The following WDR54 variants were observed in gnomAD, a reference collection of about 807,000 sequenced individuals.
The protein encoded by WDR54 is WD repeat-containing protein 54.
WDR54 carries 44 observed loss-of-function variants against 44.1 expected under a neutral mutation model. The observed-to-expected ratio is 1.00, with a 90% CI of 0.78 to 1.28. The LOEUF (loss-of-function observed/expected upper bound fraction) is 1.28. Among genes scored for constraint, WDR54 ranks in the 50% most tolerant of loss-of-function variants. The probability of loss-of-function intolerance (pLI) is 0.00; values close to 1 mark genes in which losing one functional copy is unlikely to be tolerated. For missense variants in WDR54, 409 were observed against 429.7 expected, an observed-to-expected ratio of 0.95 and a Z score of 0.43; for synonymous variants, 169 against 169.8, an observed-to-expected ratio of 1.00 and a Z score of 0.04.
rs1402343060 is a variant in WDR54 at position 74,422,223 on chromosome 2, C to T, written c.70C>T (p.Leu24=). Residue 24 remains leucine, a synonymous_variant, in exon 2 of 10, where the codon CTG becomes TTG. Coordinates refer to ENST00000348227, the MANE Select transcript of WDR54 (RefSeq NM_032118.4). ...CGCCCTGTGCAACAACCTCAGTGTG[C>T]TGCAGCTGCCGGCTCGCAACCTCAC... ...AAALCNNLSV[L]QLPARNLTYF... is the part of the protein sequence containing the mutation. 6.2e-7 allele frequency: 1 copy of T among 1,614,196 alleles called. No homozygotes were observed. The highest frequency in any genetic ancestry group is 1.7e-5 in the Admixed American group (1 of 60,032).
chr2:74,421,872 CT>C, intron 1 of WDR54, 56 bp downstream of exon 1: 1 of 629,070 alleles, frequency 1.6e-6, no homozygotes, highest in Non-Finnish European at 2.9e-6. Context: ...GGGAGAAAGC[CT>C]TGGGGGCTTC....
Position 74,424,901 on chromosome 2 carries a change from A to C in WDR54, c.561A>C (p.Ala187=), listed in dbSNP as rs527734876. ...ATTGTGTGGCTGACATGGTGACGGC[A>C]GATGACTCAGGCTTGCTGTGTGTCT... ...GQDCVADMVT[A]DDSGLLCVWR... is the part of the protein sequence containing the mutation. Residue 187 remains alanine (A), a synonymous_variant, in exon 7 of 10, where the codon GCA becomes GCC. Coordinates refer to ENST00000348227, the MANE Select transcript of WDR54 (RefSeq NM_032118.4). 3 of 1,614,236 alleles carry C rather than the reference A, an allele frequency of 1.9e-6. No individual in the cohort carries two copies. The highest frequency in any genetic ancestry group is 2.7e-5 in the African/African-American group (2 of 75,062).
chr2:74,422,274 A>T lies in WDR54; in HGVS notation c.121A>T (p.Ser41Cys). Residue 41 changes from serine (S) to cysteine (C), a missense_variant, in exon 2 of 10, where the codon AGC (serine) becomes TGC (cysteine). Physicochemically the swap from Ser to Cys is moderately radical, Grantham distance 112 (BLOSUM62 -1). Coordinates refer to ENST00000348227, the MANE Select transcript of WDR54 (RefSeq NM_032118.4). Reference sequence around the variant, plus strand: ...GTATTTTGGCGTGGTTCATGGACCAAGCGCCCAGCTTCTCAGCGCTGCTCC... The same window carrying T: ...GTATTTTGGCGTGGTTCATGGACCATGCGCCCAGCTTCTCAGCGCTGCTCC... ...LTYFGVVHGPSAQLLSAAPEG... is the reference protein window; with the variant it reads ...LTYFGVVHGPCAQLLSAAPEG... The T allele has an allele frequency of 6.2e-7, 1 of 1,614,182 alleles. No homozygotes were observed. The highest frequency in any genetic ancestry group is 8.5e-7 in the Non-Finnish European group (1 of 1,180,036).
At chr2:74,423,052 CTCTTTT>C in intron 3 of WDR54, 120 bp downstream of exon 3, 1 of 1,069,914 alleles carries the variant, frequency 9.3e-7, no homozygotes, top group East Asian at 2.5e-5. Context: ...GGCCCACTCA[CTCTTTT>C]TCTATTTCTT....
In WDR54 at chr2:74,422,290, G is replaced by T; in HGVS notation, c.137G>T (p.Ser46Ile). 2 of 1,614,220 alleles carry T rather than the reference G, an allele frequency of 1.2e-6. No individual in the cohort carries two copies. The highest frequency in any genetic ancestry group is 1.7e-6 in the Non-Finnish European group (2 of 1,180,034). Residue 46 changes from serine (S) to isoleucine (I), a missense_variant, in exon 2 of 10, where the codon AGC becomes ATC. Physicochemically the swap from Ser to Ile is moderately radical, Grantham distance 142. Transcript: ENST00000348227. ...CATGGACCAAGCGCCCAGCTTCTCA[G>T]CGCTGCTCCTGAGGGTGTGCCCTTG... ...VVHGPSAQLL[S>I]AAPEGVPLAQ...
At position 74,424,948 on chromosome 2, in the gene WDR54, C is replaced by T. The variant is rs774364950; in HGVS notation, c.608C>T (p.Thr203Ile). The T allele has an allele frequency of 6.2e-7, 1 of 1,614,212 alleles. No individual in the cohort carries two copies. The highest frequency in any genetic ancestry group is 8.5e-7 in the Non-Finnish European group (1 of 1,180,042). ...GTCTGGCGGTCAGGGCCAGAATTCA[C>T]ATTATTGACCCGCATTCCAGGATTT... ...LCVWRSGPEF[T>I]LLTRIPGFGV... Residue 203 changes from threonine (T) to isoleucine (I), a missense_variant, in exon 7 of 10, where the codon ACA becomes ATA. Coordinates refer to ENST00000348227, the MANE Select transcript of WDR54 (RefSeq NM_032118.4).
intron 2 of WDR54, 47 bp downstream of exon 2, chr2:74,422,422 C>G (rs1057167224): frequency 9.0e-6 from 14 of 1,558,304 alleles, no homozygotes; most frequent in African/African-American, 1.4e-5. Context: ...AGTCCTACCC[C>G]CAGCCTTTTC....
chr2:74,425,598 C>T lies in WDR54; in HGVS notation c.902C>T (p.Ala301Val), dbSNP rs994988323. The T allele has an allele frequency of 4.3e-6, 7 of 1,614,212 alleles. No individual in the cohort carries two copies. Among genetic ancestry groups the T allele is most frequent in the African/African-American group, 1.3e-5 (1 of 75,064 alleles). The change falls in exon 10 of 10, where the codon GCC becomes GTC. Residue 301 changes from alanine (A) to valine (V), a missense_variant. Physicochemically the swap from Ala to Val is moderately conservative, Grantham distance 64. Coordinates refer to ENST00000348227, the MANE Select transcript of WDR54 (RefSeq NM_032118.4). ...GAACACTGTCATGGTGAGTGTGTCGCCGACACCCAGCTGTGTGGTGCTCGA... is the reference window on the plus strand; with the variant it reads ...GAACACTGTCATGGTGAGTGTGTCGTCGACACCCAGCTGTGTGGTGCTCGA... ...EVEHCHGECV[A>V]DTQLCGARFC...
In WDR54 at chr2:74,423,329, C is replaced by T; in HGVS notation, c.296C>T (p.Ser99Phe). The change falls in exon 4 of 10, where the codon TCC becomes TTC. Residue 99 changes from serine (S) to phenylalanine (F), a missense_variant. Physicochemically the swap from Ser to Phe is radical, Grantham distance 155 (BLOSUM62 -2). Coordinates refer to ENST00000348227, the MANE Select transcript of WDR54 (RefSeq NM_032118.4). The part of the protein sequence containing the change: ...TSHRGIQMYE[S>F]NGYTMVYWHA... ...GCCCCGGTCTTCCAGATGTACGAGT[C>T]CAATGGCTACACCATGGTCTACTGG... 1 of 1,613,848 alleles carries T rather than the reference C, an allele frequency of 6.2e-7. No individual in the cohort carries two copies. Among genetic ancestry groups the T allele is most frequent in the Non-Finnish European group, 8.5e-7 (1 of 1,180,050 alleles).
At chr2:74,424,841 G>C in intron 6 of WDR54, 34 bp from the exon 7 acceptor site, 4 of 1,612,676 alleles carry the variant, frequency 2.5e-6, no homozygotes, top group Non-Finnish European at 3.4e-6. Context: ...TAGCAGGGGA[G>C]AAAGGGAAGG....
At position 74,425,694 on chromosome 2, in the gene WDR54, GT is replaced by G. The variant is rs1421820451; in HGVS notation, c.999del (p.Ser333ArgfsTer15). 1 of 1,614,210 alleles carries G rather than the reference GT, an allele frequency of 6.2e-7. No homozygotes were observed. The highest frequency in any genetic ancestry group is 1.7e-5 in the Admixed American group (1 of 60,030). Reference sequence around the variant, plus strand: ...CTTGCGGAGATCCGGAGATTCAGCAGTGTGTGAGAAGAGCAGCCTTCCTTTG... The same window carrying G: ...CTTGCGGAGATCCGGAGATTCAGCAGGTGTGAGAAGAGCAGCCTTCCTTTG... The part of the protein sequence containing the change: ...YDLAEIRRFS[S>X]V On this transcript the variant is annotated frameshift_variant, in exon 10 of 10. Transcript: ENST00000348227. LOFTEE classifies it high-confidence loss of function.
At chr2:74,422,486 G>T in intron 2 of WDR54, 111 bp downstream of exon 2, 1 of 1,272,870 alleles carries the variant, frequency 7.9e-7, no homozygotes, top group Non-Finnish European at 1.1e-6. Context: ...CCCCAGGCAT[G>T]TCCTAACCTC....
At position 74,423,388 on chromosome 2, in the gene WDR54, A is replaced by G. The variant is rs1197081508; in HGVS notation, c.352+3A>G. 6.2e-7 allele frequency: 1 copy of G among 1,614,146 alleles called. No homozygotes were observed. The highest frequency in any genetic ancestry group is 1.1e-5 in the South Asian group (1 of 91,082). On this transcript the variant is annotated splice_donor_region_variant and intron_variant, in intron 4 of 9. Transcript: ENST00000348227. ...GGACTCTGGAGATGCCTCCCCAGGT[A>G]CCTGCAGGACCAAGTGGGGTGGGGG...
chr2:74,424,435 G>C (rs1670263025), intron 6 of WDR54, among the ~76,000 whole-genome samples: 1 of 152,216 alleles, frequency 6.6e-6, no homozygotes, highest in African/African-American at 2.4e-5. Flanking sequence ...CTTGAGAACA[G>C]GGTGTATATT....
At position 74,425,646 on chromosome 2, in the gene WDR54, C is replaced by T. The variant is rs1188908997; in HGVS notation, c.950C>T (p.Ser317Phe). 15 of 1,614,128 alleles carry T rather than the reference C, an allele frequency of 9.3e-6. No individual in the cohort carries two copies. Among genetic ancestry groups the T allele is most frequent in the Non-Finnish European group, 1.3e-5 (15 of 1,180,044 alleles). ...GARFCDSSGNSFAVTGYDLAE... is the reference protein window; with the variant it reads ...GARFCDSSGNFFAVTGYDLAE... ...CGATTTTGTGATTCCTCAGGCAACT[C>T]CTTTGCTGTGACTGGCTATGACCTT... The change falls in exon 10 of 10, where the codon TCC (serine) becomes TTC (phenylalanine). Residue 317 changes from serine (S) to phenylalanine (F), a missense_variant. By Grantham distance (155) the Ser-to-Phe change is radical. Transcript: ENST00000348227.
intron 1 of WDR54, 93 bp from the exon 2 acceptor site, chr2:74,422,059 GC>G: frequency 7.6e-7 from 1 of 1,315,112 alleles, no homozygotes; most frequent in Non-Finnish European, 1.1e-6. Flanking sequence ...CCAGTCTCAG[GC>G]ATCTTCCGAA....
intron 2 of WDR54, 23 bp from the exon 3 acceptor site, chr2:74,422,847 T>A: frequency 6.4e-7 from 1 of 1,566,478 alleles, no homozygotes; most frequent in Non-Finnish European, 8.8e-7. Flanking sequence ...ATTTTCTCCC[T>A]ACACTGATGC....
chr2:74,422,086 C>G (rs965329723), intron 1 of WDR54, 67 bp from the exon 2 acceptor site: 4 of 1,515,492 alleles, frequency 2.6e-6, no homozygotes, highest in Non-Finnish European at 2.7e-6. Flanking sequence ...CGATGATAGC[C>G]GCCCTCGGGC....
chr2:74,422,080 G>C lies in WDR54; in HGVS notation c.-1-73G>C, dbSNP rs566771208. 161 of 1,497,206 alleles carry C rather than the reference G, an allele frequency of 1.1e-4. 1 individual carries two copies. In the South Asian group the frequency reaches 1.3e-3, roughly 12 times the overall value. 92.7% of individuals were successfully genotyped at this position (1,497,206 alleles called of 1,614,324 possible). On this transcript the variant is annotated intron_variant, in intron 1 of 9. Coordinates refer to ENST00000348227, the MANE Select transcript of WDR54 (RefSeq NM_032118.4). ...TCAGGCATCTTCCGAAATGCTCGAT[G>C]ATAGCCGCCCTCGGGCATCTCCGCT...
Sources: allele counts gnomAD v4.1 joint callset (sites outside exome capture counted in the v4.1 genomes callset), GRCh38; gene constraint gnomAD v4.1.1; transcripts MANE v1.5; gene names NCBI Gene and HGNC (gene_info 2026-07-23, HGNC 2026-07-21).